The following EYS variants were observed in gnomAD, a reference collection of about 807,000 sequenced individuals.
EYS encodes EGF-like photoreceptor maintenance factor.
A neutral mutation model predicts 282.1 loss-of-function variants in EYS; 250 were observed. The observed-to-expected ratio is 0.89, with a 90% CI of 0.80 to 0.98. The LOEUF (loss-of-function observed/expected upper bound fraction) is 0.98, where lower values mean the gene tolerates loss of function less well. EYS is among the 50% of genes least tolerant of loss of function. The probability of loss-of-function intolerance (pLI) is 0.00; values close to 1 mark genes in which losing one functional copy is unlikely to be tolerated. For missense variants in EYS, 4,016 were observed against 3,709.0 expected, an observed-to-expected ratio of 1.08 and a Z score of -2.15; for synonymous variants, 1,355 against 1,282.9, an observed-to-expected ratio of 1.06 and a Z score of -1.20.
At chr6:65,258,173 T>C (rs1475912419) in intron 12 of EYS, among the ~76,000 whole-genome samples, 2 of 151,926 alleles carry the variant, frequency 1.3e-5, no homozygotes, top group Non-Finnish European at 2.9e-5. Context: ...AACTTTTAGG[T>C]TAAAAATGCG....
At chr6:63,769,322 A>G (rs1769875230) in intron 40 of EYS, among the ~76,000 whole-genome samples, 1 of 151,966 alleles carries the variant, frequency 6.6e-6, no homozygotes, top group Non-Finnish European at 1.5e-5. Flanking sequence ...GACATGGCTC[A>G]TAAATTTGAT....
intron 12 of EYS, among the ~76,000 whole-genome samples, chr6:65,203,151 C>A (rs973525778): frequency 1.3e-5 from 2 of 152,190 alleles, no homozygotes; most frequent in African/African-American, 2.4e-5. Context: ...ACCACAATTA[C>A]CTCTTGCCTG....
chr6:63,784,924 A>T (rs1770325566), intron 39 of EYS, among the ~76,000 whole-genome samples: 1 of 152,178 alleles, frequency 6.6e-6, no homozygotes, highest in Non-Finnish European at 1.5e-5. Context: ...GTAGTCAAAG[A>T]TGACAGTAAG....
intron 22 of EYS, among the ~76,000 whole-genome samples, chr6:64,799,367 T>G (rs2150006565): frequency 6.6e-6 from 1 of 152,010 alleles, no homozygotes; most frequent in East Asian, 1.9e-4. Flanking sequence ...TCTCTCAAAA[T>G]ATAGTAGGTT....
chr6:64,233,562 T>A (rs1037457618), intron 30 of EYS, among the ~76,000 whole-genome samples: 11 of 152,172 alleles, frequency 7.2e-5, no homozygotes, highest in African/African-American at 2.7e-4. Context: ...AAAGGAACAG[T>A]AAAATTACCA....
intron 39 of EYS, among the ~76,000 whole-genome samples, chr6:63,785,004 C>T (rs1323391448): frequency 6.6e-6 from 1 of 152,100 alleles, no homozygotes; most frequent in Non-Finnish European, 1.5e-5. Flanking sequence ...TACTGGGCCC[C>T]ATTCCCTGAG....
chr6:63,942,810 C>A (rs1765282690), intron 35 of EYS, among the ~76,000 whole-genome samples: 1 of 152,174 alleles, frequency 6.6e-6, no homozygotes, highest in Non-Finnish European at 1.5e-5. Context: ...TCTTCTACCT[C>A]TTCCGCCTCT....
chr6:64,771,872 C>T (rs529968130), intron 22 of EYS, among the ~76,000 whole-genome samples: 1 of 151,892 alleles, frequency 6.6e-6, no homozygotes, highest in Admixed American at 6.6e-5. Context: ...CACCTCATTG[C>T]ATTATGCAGA....
chr6:64,950,832 T>TATATATA (rs1310289103), intron 14 of EYS, among the ~76,000 whole-genome samples: 2 of 103,102 alleles, frequency 1.9e-5, no homozygotes, highest in African/African-American at 3.7e-5. Context: ...TATATATATA[T>TATATATA]ATTGTTGAAT....
chr6:65,312,455 T>C (rs1319306279), intron 11 of EYS, among the ~76,000 whole-genome samples: 4 of 152,144 alleles, frequency 2.6e-5, no homozygotes, highest in Admixed American at 2.0e-4. Context: ...GCCCCATGCC[T>C]AATTTTGTAT....
chr6:65,669,651 T>C (rs1451322905), intron 1 of EYS, among the ~76,000 whole-genome samples: 1 of 152,010 alleles, frequency 6.6e-6, no homozygotes, highest in Non-Finnish European at 1.5e-5. Context: ...TGGTGCCACA[T>C]TAAATCCATG....
At chr6:64,784,421 A>G (rs1042874537) in intron 22 of EYS, among the ~76,000 whole-genome samples, 1 of 152,116 alleles carries the variant, frequency 6.6e-6, no homozygotes, top group African/African-American at 2.4e-5. Context: ...TTGGTCACAA[A>G]CACTAACATT....
intron 15 of EYS, among the ~76,000 whole-genome samples, chr6:64,925,907 G>A (rs369864752): frequency 2.0e-5 from 3 of 152,090 alleles, no homozygotes; most frequent in South Asian, 2.1e-4. Context: ...GTCAGTTCTC[G>A]GGTCCCTAGA....
chr6:65,209,626 G>A (rs954135736), intron 12 of EYS, among the ~76,000 whole-genome samples: 4 of 151,816 alleles, frequency 2.6e-5, no homozygotes, highest in African/African-American at 7.3e-5. Flanking sequence ...TAAGATGATG[G>A]AACATACATG....
chr6:65,288,718 A>T (rs565490090), intron 12 of EYS, among the ~76,000 whole-genome samples: 1 of 151,264 alleles, frequency 6.6e-6, no homozygotes, highest in African/African-American at 2.4e-5. Context: ...TAAATCTAAT[A>T]TTGGATGTAT....
intron 1 of EYS, among the ~76,000 whole-genome samples, chr6:65,676,475 C>T (rs1203754000): frequency 6.6e-6 from 1 of 151,464 alleles, no homozygotes; most frequent in Non-Finnish European, 1.5e-5. Context: ...GGATCAATTC[C>T]CAGACACATA....
intron 4 of EYS, among the ~76,000 whole-genome samples, 157 bp from the exon 5 acceptor site, chr6:65,490,864 A>C (rs1328332168): frequency 6.6e-6 from 1 of 152,162 alleles, no homozygotes; most frequent in Non-Finnish European, 1.5e-5. Flanking sequence ...TTGAAATAAA[A>C]ATTAATTTTG....
intron 26 of EYS, among the ~76,000 whole-genome samples, chr6:64,474,805 G>C (rs900805566): frequency 2.6e-5 from 4 of 152,160 alleles, no homozygotes; most frequent in African/African-American, 9.7e-5. Flanking sequence ...GAGAGGCTTT[G>C]GGTAATTTAC....
intron 39 of EYS, among the ~76,000 whole-genome samples, chr6:63,780,807 A>G (rs1770202402): frequency 6.6e-6 from 1 of 152,114 alleles, no homozygotes; most frequent in Non-Finnish European, 1.5e-5. Flanking sequence ...GATGTTTTAG[A>G]CATGAAGTCC....
Sources: allele counts gnomAD v4.1 joint callset (sites outside exome capture counted in the v4.1 genomes callset), GRCh38; gene constraint gnomAD v4.1.1; transcripts MANE v1.5; gene names NCBI Gene and HGNC (gene_info 2026-07-23, HGNC 2026-07-21).